The following CDH12 variants were observed in gnomAD, a reference collection of about 807,000 sequenced individuals.
CDH12 encodes the protein cadherin 12.
Under a neutral mutation model 74.1 loss-of-function variants are expected in CDH12, and 41 were observed. That is an observed-to-expected ratio of 0.55 (90% CI 0.43 to 0.72). CDH12 has a LOEUF of 0.72. CDH12 is among the 30% of genes least tolerant of loss of function. The pLI is 0.00. For missense variants in CDH12, 945 were observed against 977.2 expected (o/e 0.97, Z 0.44); for synonymous variants, 399 against 355.0 (o/e 1.12, Z -1.39).
At chr5:22,338,241 T>A (rs941281931) in intron 3 of CDH12, among the ~76,000 whole-genome samples, 1 of 152,078 alleles carries the variant, frequency 6.6e-6, no homozygotes, top group African/African-American at 2.4e-5. Context: ...TATTCAGCCC[T>A]AAAAAAGAAT....
intron 3 of CDH12, among the ~76,000 whole-genome samples, chr5:22,281,174 C>T (rs183808562): frequency 6.6e-6 from 1 of 152,200 alleles, no homozygotes; most frequent in African/African-American, 2.4e-5. Context: ...AATTAAACAG[C>T]CCTTCATGCT....
chr5:22,117,512 AATATATATATAATATATAT>A (rs1745236825), intron 4 of CDH12, among the ~76,000 whole-genome samples: 7 of 58,616 alleles, frequency 1.2e-4, no homozygotes, highest in Non-Finnish European at 1.8e-4. Flanking sequence ...ATATATATAT[AATATATATATAATATATAT>A]ATATATATAT....
intron 3 of CDH12, among the ~76,000 whole-genome samples, chr5:22,346,768 G>A (rs1740133541): frequency 6.6e-6 from 1 of 152,128 alleles, no homozygotes; most frequent in Non-Finnish European, 1.5e-5. Flanking sequence ...TTCATGTATA[G>A]TACAACCTGC....
intron 3 of CDH12, among the ~76,000 whole-genome samples, chr5:22,315,119 C>CTTTTTTTTTTTTTT (rs70959715): frequency 0.023 from 526 of 22,992 alleles, 168 homozygotes; most frequent in Non-Finnish European, 0.027. Context: ...GCCTGCCTGG[C>CTTTTTTTTTTTTTT]TTTTTTTTTT....
chr5:22,458,788 GTTTC>G (rs1439208129), intron 2 of CDH12, among the ~76,000 whole-genome samples: 2 of 152,118 alleles, frequency 1.3e-5, no homozygotes, highest in Non-Finnish European at 2.9e-5. Flanking sequence ...ACTCAAAAGA[GTTTC>G]TTTCAGCTGT....
Position 21,986,812 on chromosome 5 carries a change from T to C in CDH12, c.232-11427A>G, listed in dbSNP as rs980647748. ...ATCATTTCTTAATTTATTGTTAGCA[T>C]TTCATTATTTCCAATATTAGCTCTT... On this transcript the variant is annotated intron_variant, in intron 5 of 14. Coordinates refer to ENST00000382254, the MANE Select transcript of CDH12 (RefSeq NM_004061.5). 1.3e-4 allele frequency among the ~76,000 whole-genome samples: 20 copies of C among 152,132 alleles called. 1 individual carries two copies. The highest frequency in any genetic ancestry group is 1.5e-5 in the Non-Finnish European group (1 of 67,978).
intron 3 of CDH12, among the ~76,000 whole-genome samples, chr5:22,360,977 C>T (rs1740778358): frequency 6.6e-6 from 1 of 152,296 alleles, no homozygotes; most frequent in Middle Eastern, 3.4e-3. Flanking sequence ...CAGTATCATA[C>T]TGAATGGGCA....
At chr5:22,642,524 G>T (rs1739204726) in intron 1 of CDH12, among the ~76,000 whole-genome samples, 1 of 152,108 alleles carries the variant, frequency 6.6e-6, no homozygotes, top group Non-Finnish European at 1.5e-5. Flanking sequence ...GGCCATAAAA[G>T]AATAAATTGT....
chr5:22,554,474 A>T (rs1284806843), intron 1 of CDH12, among the ~76,000 whole-genome samples: 1 of 152,170 alleles, frequency 6.6e-6, no homozygotes, highest in Non-Finnish European at 1.5e-5. Context: ...CTGCTCTAAA[A>T]AATAAAGTCT....
At chr5:22,035,713 T>TACACACACAC (rs149918147) in intron 5 of CDH12, among the ~76,000 whole-genome samples, 130 of 143,346 alleles carry the variant, frequency 9.1e-4, no homozygotes, top group African/African-American at 3.1e-3. Flanking sequence ...ACTTCACACA[T>TACACACACAC]ACACACACAC....
At chr5:22,018,559 G>GTA (rs1737755866) in intron 5 of CDH12, among the ~76,000 whole-genome samples, 1 of 152,222 alleles carries the variant, frequency 6.6e-6, no homozygotes, top group Non-Finnish European at 1.5e-5. Context: ...CAAATAGCAA[G>GTA]TAGGTCCTCT....
chr5:22,446,275 C>T (rs1744812510), intron 2 of CDH12, among the ~76,000 whole-genome samples: 1 of 152,062 alleles, frequency 6.6e-6, no homozygotes, highest in East Asian at 1.9e-4. Flanking sequence ...AAGAGGTTTC[C>T]TCTCAATCCC....
chr5:21,937,259 G>T (rs1398747269), intron 6 of CDH12, among the ~76,000 whole-genome samples: 2 of 152,120 alleles, frequency 1.3e-5, no homozygotes. Flanking sequence ...ATAAAAGGGG[G>T]ATTTTACTCT....
At chr5:21,879,247 AT>A (rs1752113505) in intron 6 of CDH12, among the ~76,000 whole-genome samples, 1 of 151,874 alleles carries the variant, frequency 6.6e-6, no homozygotes, top group Non-Finnish European at 1.5e-5. Flanking sequence ...ACAAATTAAA[AT>A]ATATATGTCA....
chr5:22,680,560 G>A (rs1274165177), intron 1 of CDH12, among the ~76,000 whole-genome samples: 1 of 152,058 alleles, frequency 6.6e-6, no homozygotes, highest in East Asian at 1.9e-4. Context: ...ACAGGGTCTA[G>A]AATAAAATCG....
intron 1 of CDH12, among the ~76,000 whole-genome samples, chr5:22,619,428 T>C (rs2126837579): frequency 6.6e-6 from 1 of 152,224 alleles, no homozygotes; most frequent in East Asian, 1.9e-4. Context: ...CCTGACTATA[T>C]GGGCTTTTTA....
chr5:21,787,651 T>G (rs1746270282), intron 10 of CDH12, among the ~76,000 whole-genome samples: 1 of 152,166 alleles, frequency 6.6e-6, no homozygotes, highest in African/African-American at 2.4e-5. Flanking sequence ...AGAAGATGCT[T>G]AATATTTATT....
chr5:22,086,657 C>A (rs1159925012), intron 4 of CDH12, among the ~76,000 whole-genome samples: 2 of 151,362 alleles, frequency 1.3e-5, no homozygotes, highest in Non-Finnish European at 2.9e-5. Flanking sequence ...GTGCCCGGCC[C>A]GAATTTTAAC....
At chr5:22,699,072 A>G (rs76176593) in intron 1 of CDH12, among the ~76,000 whole-genome samples, 1 of 152,016 alleles carries the variant, frequency 6.6e-6, no homozygotes, top group Non-Finnish European at 1.5e-5. Context: ...AAGAAATAAA[A>G]TGCTATAAGC....
Sources: gnomAD v4.1 joint callset for allele counts (sites outside exome capture counted in the v4.1 genomes callset) on GRCh38, gnomAD v4.1.1 for gene constraint, MANE v1.5 for transcripts, NCBI Gene and HGNC (gene_info 2026-07-23, HGNC 2026-07-21) for gene names.